ABCG8: variants seen among roughly 807,000 people sequenced by gnomAD.
ABCG8 encodes ATP binding cassette subfamily G member 8, also known as ATP-binding cassette sub-family G member 8.
In ABCG8, 81 loss-of-function variants were observed where a neutral mutation model predicts 71.3. That is an observed-to-expected ratio of 1.14 (90% CI 0.95 to 1.37). The LOEUF (loss-of-function observed/expected upper bound fraction) is 1.37, where lower values mean the gene tolerates loss of function less well. Ranked by LOEUF, ABCG8 falls within the 40% of genes most tolerant of loss-of-function variation. The probability of loss-of-function intolerance (pLI) is 0.00; values close to 1 mark genes in which losing one functional copy is unlikely to be tolerated. For missense variants in ABCG8, 1,119 were observed against 866.2 expected, an observed-to-expected ratio of 1.29 and a Z score of -3.66; for synonymous variants, 451 against 354.7, an observed-to-expected ratio of 1.27 and a Z score of -3.05.
At chr2:43,856,787 A>G (rs1669125235) in intron 6 of ABCG8, among the ~76,000 whole-genome samples, 1 of 151,226 alleles carries the variant, frequency 6.6e-6, no homozygotes, top group African/African-American at 2.4e-5. Context: ...TAAAACTCTC[A>G]CTATCTATCT....
intron 6 of ABCG8, among the ~76,000 whole-genome samples, chr2:43,856,749 A>G (rs1338759837): frequency 6.6e-6 from 1 of 151,258 alleles, no homozygotes; most frequent in Non-Finnish European, 1.5e-5. Flanking sequence ...AAGAAGTTTC[A>G]CTATCTGGAT....
At chr2:43,862,264 A>T (rs1669350105) in intron 6 of ABCG8, among the ~76,000 whole-genome samples, 1 of 147,024 alleles carries the variant, frequency 6.8e-6, no homozygotes, top group Admixed American at 6.7e-5. Flanking sequence ...ATCTGGATAG[A>T]ACTCTCACTA....
At chr2:43,866,532 G>T (rs1355905610) in intron 6 of ABCG8, among the ~76,000 whole-genome samples, 1 of 151,926 alleles carries the variant, frequency 6.6e-6, no homozygotes, top group Non-Finnish European at 1.5e-5. Flanking sequence ...AAAAGTGGGC[G>T]AAGGACATGA....
intron 11 of ABCG8, among the ~76,000 whole-genome samples, chr2:43,876,475 C>T (rs1003140760): frequency 1.3e-5 from 2 of 150,642 alleles, no homozygotes; most frequent in Admixed American, 6.6e-5. Flanking sequence ...CATGGGAATA[C>T]GGGGAGACCA....
intron 6 of ABCG8, among the ~76,000 whole-genome samples, chr2:43,866,879 A>G (rs1008225604): frequency 2.0e-5 from 3 of 151,436 alleles, no homozygotes; most frequent in East Asian, 3.9e-4. Context: ...TCATGCTGCT[A>G]TAAAGACACA....
chr2:43,843,999 G>C (rs892232100), intron 1 of ABCG8, among the ~76,000 whole-genome samples: 4 of 152,152 alleles, frequency 2.6e-5, no homozygotes, highest in African/African-American at 9.7e-5. Flanking sequence ...ATTTTTCTCA[G>C]GGTGGTATCT....
At chr2:43,851,074 G>A (rs531407911) in intron 3 of ABCG8, among the ~76,000 whole-genome samples, 6 of 152,046 alleles carry the variant, frequency 3.9e-5, no homozygotes, top group Non-Finnish European at 7.4e-5. Context: ...AATAGATTTG[G>A]TTTTGCATGT....
At chr2:43,847,911 C>G (rs1668795433) in intron 3 of ABCG8, 1 of 151,510 alleles carries the variant, frequency 6.6e-6, no homozygotes, top group Admixed American at 6.6e-5. Context: ...CAGGTGGGTG[C>G]CACTATGCCT....
At chr2:43,850,522 G>A (rs748350253) in intron 3 of ABCG8, among the ~76,000 whole-genome samples, 2 of 152,152 alleles carry the variant, frequency 1.3e-5, no homozygotes, top group Non-Finnish European at 2.9e-5. Context: ...CTAGTGTCAC[G>A]GGGTTTTGTT....
chr2:43,875,053 G>A, intron 10 of ABCG8, 93 bp from the exon 11 acceptor site: 4 of 1,566,714 alleles, frequency 2.6e-6, no homozygotes, highest in Non-Finnish European at 3.5e-6. Flanking sequence ...AGGAGGGAAG[G>A]TTGCTATCTG....
intron 6 of ABCG8, among the ~76,000 whole-genome samples, chr2:43,870,820 T>G (rs1669738475): frequency 6.8e-6 from 1 of 146,170 alleles, no homozygotes; most frequent in African/African-American, 2.6e-5. Context: ...AGAATTCTCA[T>G]TCTCTGGATA....
rs1294241887 is a variant in ABCG8 at position 43,852,702 on chromosome 2, C to T, written c.798C>T (p.Leu266=). Residue 266 remains leucine (L), a synonymous_variant, in exon 6 of 13, where the codon CTC becomes CTT. Transcript: ENST00000272286. Reference sequence around the variant, plus strand: ...TGGCCAAAGGCAACCGGCTGGTGCTCATCTCCCTCCACCAGCCTCGCTCTG... The same window carrying T: ...TGGCCAAAGGCAACCGGCTGGTGCTTATCTCCCTCCACCAGCCTCGCTCTG... ...SRLAKGNRLV[L]ISLHQPRSDI... The T allele has an allele frequency of 6.2e-7, 1 of 1,614,182 alleles. No homozygotes were observed. Among genetic ancestry groups the T allele is most frequent in the Non-Finnish European group, 8.5e-7 (1 of 1,180,028 alleles).
chr2:43,852,403 G>A lies in ABCG8; in HGVS notation c.611G>A (p.Arg204His), dbSNP rs144730815. ...ELRLRQCADT[R>H]VGNMYVRGLS... is the part of the protein sequence containing the mutation. The stretch of plus-strand genomic sequence containing the variant: ...CGGCTTAGGCAGTGCGCTGACACCC[G>A]CGTGGGCAACATGTACGTGCGGGGG... Residue 204 changes from arginine to histidine, a missense_variant, in exon 5 of 13, where the codon CGC (arginine) becomes CAC (histidine). By Grantham distance (29) the Arg-to-His change is conservative. Coordinates refer to ENST00000272286, the MANE Select transcript of ABCG8 (RefSeq NM_022437.3). 1.2e-4 allele frequency: 201 copies of A among 1,612,326 alleles called. No individual in the cohort carries two copies. Among genetic ancestry groups the A allele is most frequent in the Middle Eastern group, 8.6e-4 (4 of 4,654 alleles).
chr2:43,877,269 G>A (rs1224007574), intron 11 of ABCG8, among the ~76,000 whole-genome samples: 4 of 151,158 alleles, frequency 2.6e-5, no homozygotes, highest in South Asian at 4.2e-4. Flanking sequence ...GGAGACCGTG[G>A]GAATATGGGG....
intron 1 of ABCG8, among the ~76,000 whole-genome samples, chr2:43,842,186 T>C (rs1668601637): frequency 6.6e-6 from 1 of 152,068 alleles, no homozygotes; most frequent in Non-Finnish European, 1.5e-5. Flanking sequence ...TTTTTTTTTG[T>C]ATTTTTAGTA....
At chr2:43,852,274 G>C in intron 4 of ABCG8, 80 bp from the exon 5 acceptor site, 2 of 1,597,486 alleles carry the variant, frequency 1.3e-6, no homozygotes. Context: ...AGGAGCGGGC[G>C]CCTTTATCCT....
chr2:43,872,996 C>T (rs542574424), intron 8 of ABCG8, among the ~76,000 whole-genome samples: 2 of 152,138 alleles, frequency 1.3e-5, no homozygotes, highest in African/African-American at 4.8e-5. Flanking sequence ...CGGGATCATA[C>T]TCTGCATGCT....
chr2:43,862,989 A>G (rs1669382233), intron 6 of ABCG8, among the ~76,000 whole-genome samples: 1 of 151,516 alleles, frequency 6.6e-6, no homozygotes, highest in Non-Finnish European at 1.5e-5. Context: ...CTGTCTGTAT[A>G]GAACTCTCAC....
rs780801158 is a variant in ABCG8 at position 43,846,150 on chromosome 2, C to T, written c.166-5C>T. 1 of 1,612,948 alleles carries T rather than the reference C, an allele frequency of 6.2e-7. No individual in the cohort carries two copies. Among genetic ancestry groups the T allele is most frequent in the Non-Finnish European group, 8.5e-7 (1 of 1,179,982 alleles). On this transcript the variant is annotated splice_region_variant and splice_polypyrimidine_tract_variant and intron_variant, in intron 2 of 12. Coordinates refer to ENST00000272286, the MANE Select transcript of ABCG8 (RefSeq NM_022437.3). ...TCTAAGGAACCTTCTGATATCTCCC[C>T]ACAGGTGGACCTGGCCTCTCAGGTC...
Sources: allele counts gnomAD v4.1 joint callset (sites outside exome capture counted in the v4.1 genomes callset), GRCh38; gene constraint gnomAD v4.1.1; transcripts MANE v1.5; gene names NCBI Gene and HGNC (gene_info 2026-07-23, HGNC 2026-07-21).